The following GALNTL6 variants were observed in gnomAD, a reference collection of about 807,000 sequenced individuals.
The protein encoded by GALNTL6 is polypeptide N-acetylgalactosaminyltransferase-like 6.
A neutral mutation model predicts 73.7 loss-of-function variants in GALNTL6; 46 were observed. The ratio of observed to expected loss-of-function variants is 0.62; its 90% CI spans 0.49 to 0.80. The LOEUF (loss-of-function observed/expected upper bound fraction) is 0.80, where lower values mean the gene tolerates loss of function less well. GALNTL6 is among the 30% of genes least tolerant of loss of function. The pLI is 0.00. For missense variants in GALNTL6, 604 were observed against 755.0 expected (o/e 0.80, Z 2.34); for synonymous variants, 259 against 263.7 (o/e 0.98, Z 0.17).
intron 8 of GALNTL6, among the ~76,000 whole-genome samples, chr4:172,909,589 T>G (rs1453708061): frequency 1.3e-5 from 2 of 152,112 alleles, no homozygotes; most frequent in African/African-American, 4.8e-5. Context: ...TAATGATAGA[T>G]TTTTCACTTA....
intron 5 of GALNTL6, among the ~76,000 whole-genome samples, chr4:172,528,187 G>T (rs1469910649): frequency 6.6e-6 from 1 of 151,006 alleles, no homozygotes; most frequent in African/African-American, 2.4e-5. Context: ...TTGACTTCTA[G>T]ACCAACACTA....
chr4:172,537,470 A>G (rs1735386173), intron 5 of GALNTL6, among the ~76,000 whole-genome samples: 2 of 152,332 alleles, frequency 1.3e-5, no homozygotes, highest in African/African-American at 4.8e-5. Flanking sequence ...ACCAGGTAAC[A>G]TGTGCCTTTG....
intron 5 of GALNTL6, among the ~76,000 whole-genome samples, chr4:172,474,117 C>T (rs992787937): frequency 6.6e-6 from 1 of 152,282 alleles, no homozygotes; most frequent in East Asian, 1.9e-4. Flanking sequence ...CCTTCATACT[C>T]CCAACGCAGA....
chr4:172,096,974 C>A (rs970617303), intron 2 of GALNTL6, among the ~76,000 whole-genome samples: 2 of 152,170 alleles, frequency 1.3e-5, no homozygotes, highest in Non-Finnish European at 2.9e-5. Flanking sequence ...CTAAAAACCT[C>A]AACTATTCCC....
chr4:172,057,823 C>T (rs1381070932), intron 2 of GALNTL6, among the ~76,000 whole-genome samples: 2 of 145,038 alleles, frequency 1.4e-5, no homozygotes, highest in African/African-American at 2.6e-5. Flanking sequence ...GAATTGTTCT[C>T]TTTGTGTGAT....
At position 171,853,086 on chromosome 4, in the gene GALNTL6, A is replaced by G. The variant is rs529534436; in HGVS notation, c.138+38368A>G. On this transcript the variant is annotated intron_variant, in intron 2 of 12. Transcript: ENST00000506823. ...CACCGTGTTAGCCAGGATGGTTTTG[A>G]TCTCCTGACCTCGTGATCCGCCCGC... Among the ~76,000 whole-genome samples, 589 of 121,902 alleles carry G rather than the reference A, an allele frequency of 4.8e-3. 4 individuals are homozygous for G. The highest frequency in any genetic ancestry group is 0.018 in the African/African-American group (561 of 31,570). 80.0% of individuals were successfully genotyped at this position (121,902 alleles called of 152,430 possible). A position where few individuals can be genotyped will look rare whatever the true frequency, so the allele number is the denominator to read the frequency against.
chr4:171,886,197 A>G (rs1736602924), intron 2 of GALNTL6, among the ~76,000 whole-genome samples: 1 of 152,190 alleles, frequency 6.6e-6, no homozygotes, highest in Non-Finnish European at 1.5e-5. Flanking sequence ...AATTCAATTT[A>G]TAGTGAACAA....
At chr4:172,723,521 G>A (rs187282364) in intron 5 of GALNTL6, among the ~76,000 whole-genome samples, 1 of 152,036 alleles carries the variant, frequency 6.6e-6, no homozygotes, top group South Asian at 2.1e-4. Flanking sequence ...AGTTACTATT[G>A]TTTTAGTTGA....
At chr4:172,158,564 A>G (rs1388194452) in intron 2 of GALNTL6, among the ~76,000 whole-genome samples, 2 of 152,036 alleles carry the variant, frequency 1.3e-5, no homozygotes, top group East Asian at 2.0e-4. Flanking sequence ...TATGAGCTGT[A>G]TTTTTAATTG....
intron 2 of GALNTL6, among the ~76,000 whole-genome samples, chr4:171,850,894 G>A (rs1560813246): frequency 6.6e-6 from 1 of 152,138 alleles, no homozygotes; most frequent in Non-Finnish European, 1.5e-5. Context: ...CATTCCAGGA[G>A]CTATTACTGG....
intron 5 of GALNTL6, among the ~76,000 whole-genome samples, chr4:172,613,635 T>C (rs1738613986): frequency 6.6e-6 from 1 of 152,142 alleles, no homozygotes; most frequent in African/African-American, 2.4e-5. Context: ...CAAAATGTGT[T>C]TTTTGGAATT....
intron 5 of GALNTL6, among the ~76,000 whole-genome samples, chr4:172,765,988 A>C (rs1345720456): frequency 6.6e-6 from 1 of 152,176 alleles, no homozygotes; most frequent in Non-Finnish European, 1.5e-5. Flanking sequence ...AAAAAGGAAA[A>C]CCATTCAGGG....
At chr4:172,874,492 G>T (rs1415544867) in intron 7 of GALNTL6, among the ~76,000 whole-genome samples, 1 of 152,180 alleles carries the variant, frequency 6.6e-6, no homozygotes. Flanking sequence ...GGAAACAGGA[G>T]GGTTTCAGAG....
At chr4:172,821,924 G>T (rs1741951337) in intron 7 of GALNTL6, among the ~76,000 whole-genome samples, 1 of 152,128 alleles carries the variant, frequency 6.6e-6, no homozygotes, top group African/African-American at 2.4e-5. Context: ...CTCCCCCATT[G>T]CTTGGCTCTG....
At chr4:172,952,518 TG>T (rs1236352825) in intron 10 of GALNTL6, among the ~76,000 whole-genome samples, 5 of 151,006 alleles carry the variant, frequency 3.3e-5, no homozygotes, top group South Asian at 2.1e-4. Flanking sequence ...TTTTTGTTTT[TG>T]TTTTTGTTTT....
At chr4:172,214,182 T>G (rs1736420299) in intron 2 of GALNTL6, among the ~76,000 whole-genome samples, 1 of 152,196 alleles carries the variant, frequency 6.6e-6, no homozygotes, top group African/African-American at 2.4e-5. Flanking sequence ...GACAATACCA[T>G]GTGTCTTGAT....
Position 172,559,438 on chromosome 4 carries a change from A to G in GALNTL6, c.553+210749A>G, listed in dbSNP as rs17234085. Among the ~76,000 whole-genome samples the G allele has an allele frequency of 4.5e-3, 686 of 152,264 alleles. 2 individuals are homozygous for G. Among genetic ancestry groups the G allele is most frequent in the Middle Eastern group, 0.01 (3 of 294 alleles). On this transcript the variant is annotated intron_variant, in intron 5 of 12. Coordinates refer to ENST00000506823, the MANE Select transcript of GALNTL6 (RefSeq NM_001034845.3). The stretch of plus-strand genomic sequence containing the variant: ...GGTAGTAGAGAGTGCTACATTTCCA[A>G]ATGGATGAAGAGCCAGATAATTTTT...
At chr4:173,039,624 A>T (rs933064752) in intron 12 of GALNTL6, among the ~76,000 whole-genome samples, 3 of 152,216 alleles carry the variant, frequency 2.0e-5, no homozygotes, top group Non-Finnish European at 4.4e-5. Flanking sequence ...AGCAGATAGC[A>T]AAAAGCTCAC....
At chr4:172,417,615 C>A (rs560784962) in intron 5 of GALNTL6, among the ~76,000 whole-genome samples, 1 of 152,110 alleles carries the variant, frequency 6.6e-6, no homozygotes, top group Admixed American at 6.6e-5. Context: ...TGCCACTGCA[C>A]TCCAGCCTGG....
Sources: allele counts gnomAD v4.1 joint callset (sites outside exome capture counted in the v4.1 genomes callset), GRCh38; gene constraint gnomAD v4.1.1; transcripts MANE v1.5; gene names NCBI Gene and HGNC (gene_info 2026-07-23, HGNC 2026-07-21).